The following TRIO variants were observed in gnomAD, a reference collection of about 807,000 sequenced individuals.
TRIO encodes triple functional domain protein.
A neutral mutation model predicts 351.9 loss-of-function variants in TRIO; 58 were observed. The observed-to-expected ratio is 0.16, with a 90% CI of 0.13 to 0.21. TRIO has a LOEUF of 0.21. TRIO is among the 10% of genes least tolerant of loss of function. TRIO has a pLI of 1.00. For synonymous variants in TRIO, 1,758 were observed against 1,595.7 expected (o/e 1.10, Z -2.42); for missense variants, 3,201 against 4,027.8 (o/e 0.79, Z 5.56).
At chr5:14,225,019 G>C (rs164717) in intron 1 of TRIO, among the ~76,000 whole-genome samples, 84 of 152,274 alleles carry the variant, frequency 5.5e-4, no homozygotes, top group African/African-American at 2.0e-3. Context: ...GTCTGATGTA[G>C]AACTCCTGAG....
Position 14,472,618 on chromosome 5 carries a change from CAG to C in TRIO, c.5942_5943del (p.Glu1981AlafsTer2), listed in dbSNP as rs1314548145. On this transcript the variant is annotated frameshift_variant, in exon 39 of 57. Coordinates refer to ENST00000344204, the MANE Select transcript of TRIO (RefSeq NM_007118.4). LOFTEE classifies it high-confidence loss of function. ...TACGTTTTGCAAGAACTAGTGGAGA[CAG>C]AGCGTGACTATGTGCGGGACCTTGG... 1 of 1,614,116 alleles carries C rather than the reference CAG, an allele frequency of 6.2e-7. No individual in the cohort carries two copies. Among genetic ancestry groups the C allele is most frequent in the Non-Finnish European group, 8.5e-7 (1 of 1,179,980 alleles).
chr5:14,369,583 G>A (rs1005454827), intron 18 of TRIO, 60 bp downstream of exon 18: 34 of 1,528,668 alleles, frequency 2.2e-5, no homozygotes, highest in African/African-American at 8.3e-5. Flanking sequence ...CCAGGTGCGC[G>A]TGGCACAGTC....
At chr5:14,459,594 G>T (rs1384085365) in intron 34 of TRIO, among the ~76,000 whole-genome samples, 3 of 152,086 alleles carry the variant, frequency 2.0e-5, no homozygotes, top group Admixed American at 2.0e-4. Context: ...ACAAAAATTA[G>T]CTGGGTATGG....
chr5:14,402,900 G>A (rs538827153), intron 31 of TRIO, among the ~76,000 whole-genome samples: 2 of 151,934 alleles, frequency 1.3e-5, no homozygotes, highest in East Asian at 1.9e-4. Flanking sequence ...AGGTGTTGAT[G>A]GTGAGGGTAC....
chr5:14,500,794 G>C (rs1307992446), intron 53 of TRIO, among the ~76,000 whole-genome samples: 5 of 151,734 alleles, frequency 3.3e-5, no homozygotes, highest in South Asian at 2.1e-4. Context: ...AGGCTGAGGT[G>C]GGGGGATCAC....
At chr5:14,436,305 T>C (rs1751584138) in intron 34 of TRIO, among the ~76,000 whole-genome samples, 1 of 152,180 alleles carries the variant, frequency 6.6e-6, no homozygotes, top group Admixed American at 6.5e-5. Context: ...TCAGGTCTTA[T>C]GAGACTTATT....
At position 14,487,638 on chromosome 5, in the gene TRIO, G is replaced by A. The variant is rs760882236; in HGVS notation, c.7010G>A (p.Arg2337Gln). ...GGCGCCCCCAGCACGAGCAGGAGCCGGCCCTCCCGGATCCCCCAGCCTGTC... is the reference window on the plus strand; with the variant it reads ...GGCGCCCCCAGCACGAGCAGGAGCCAGCCCTCCCGGATCCCCCAGCCTGTC... Reference protein sequence around the residue: ...CGGAPSTSRSRPSRIPQPVRH... With the variant: ...CGGAPSTSRSQPSRIPQPVRH... Residue 2337 changes from arginine to glutamine, a missense_variant, in exon 48 of 57, where the codon CGG becomes CAG. Around this residue, in one of 19 missense-constraint regions of TRIO, gnomAD observed 1,089 missense variants for 954.9 expected, o/e 1.14. Transcript: ENST00000344204. 1 of 1,246,178 alleles carries A rather than the reference G, an allele frequency of 8.0e-7. No individual in the cohort carries two copies. Among genetic ancestry groups the A allele is most frequent in the Non-Finnish European group, 1.0e-6 (1 of 983,570 alleles). The allele number at this position is 1,246,178 out of a possible 1,614,324, so 77.2% of individuals were successfully genotyped here. A position where few individuals can be genotyped will look rare whatever the true frequency, so the allele number is the denominator to read the frequency against.
intron 34 of TRIO, among the ~76,000 whole-genome samples, chr5:14,422,725 C>T (rs1048999891): frequency 1.3e-5 from 2 of 152,188 alleles, no homozygotes; most frequent in Non-Finnish European, 2.9e-5. Flanking sequence ...GATAAAAATA[C>T]AGCTTATTTT....
chr5:14,236,003 A>G (rs937042872), intron 1 of TRIO, among the ~76,000 whole-genome samples: 2 of 151,912 alleles, frequency 1.3e-5, no homozygotes, highest in Non-Finnish European at 2.9e-5. Context: ...CATAAAACTT[A>G]TAATTGTAGA....
chr5:14,504,229 G>T (rs1030249977), intron 54 of TRIO, among the ~76,000 whole-genome samples, 164 bp from the exon 55 acceptor site: 6 of 152,180 alleles, frequency 3.9e-5, no homozygotes, highest in African/African-American at 1.4e-4. Flanking sequence ...GGCAGATTTG[G>T]GGGACAGCCA....
At chr5:14,399,202 G>A (rs1747861927) in intron 30 of TRIO, 132 bp downstream of exon 30, 5 of 873,688 alleles carry the variant, frequency 5.7e-6, no homozygotes, top group Non-Finnish European at 8.9e-6. Flanking sequence ...TCTGAATTGT[G>A]GTAGGGTTTT....
intron 11 of TRIO, among the ~76,000 whole-genome samples, chr5:14,347,040 C>G (rs1378168350): frequency 4.6e-5 from 7 of 151,192 alleles, no homozygotes; most frequent in South Asian, 4.2e-4. Context: ...TCAGGTGGAC[C>G]TGAGGTCCTG....
At chr5:14,283,009 C>G (rs987644566) in intron 3 of TRIO, among the ~76,000 whole-genome samples, 15 of 152,182 alleles carry the variant, frequency 9.9e-5, no homozygotes, top group African/African-American at 3.6e-4. Flanking sequence ...CCCTCTCCCC[C>G]AGGGTCCTGC....
At chr5:14,145,496 C>A (rs1327659966) in intron 1 of TRIO, among the ~76,000 whole-genome samples, 2 of 151,900 alleles carry the variant, frequency 1.3e-5, no homozygotes, top group Admixed American at 1.3e-4. Flanking sequence ...AAAGCTACCC[C>A]CCCCCACCTT....
chr5:14,212,840 A>T (rs151203409), intron 1 of TRIO, among the ~76,000 whole-genome samples: 1 of 152,166 alleles, frequency 6.6e-6, no homozygotes, highest in Non-Finnish European at 1.5e-5. Flanking sequence ...CTCATGACTT[A>T]TATTTGTATA....
At chr5:14,212,919 T>C (rs1398121882) in intron 1 of TRIO, among the ~76,000 whole-genome samples, 1 of 152,248 alleles carries the variant, frequency 6.6e-6, no homozygotes, top group South Asian at 2.1e-4. Context: ...ACTTTCTTCA[T>C]GTTTGCCTGA....
intron 34 of TRIO, among the ~76,000 whole-genome samples, chr5:14,453,901 C>G (rs1413281250): frequency 6.6e-6 from 1 of 151,818 alleles, no homozygotes; most frequent in African/African-American, 2.4e-5. Context: ...GAGGGAAAGG[C>G]AAGAGATGAG....
intron 1 of TRIO, among the ~76,000 whole-genome samples, chr5:14,246,455 G>A (rs1034527006): frequency 2.0e-5 from 3 of 152,216 alleles, no homozygotes; most frequent in Admixed American, 1.3e-4. Flanking sequence ...TTCCCTGTCT[G>A]TCTCTGCTCT....
intron 11 of TRIO, among the ~76,000 whole-genome samples, chr5:14,352,798 C>A (rs998333414): frequency 6.6e-6 from 1 of 152,130 alleles, no homozygotes; most frequent in African/African-American, 2.4e-5. Context: ...CCTCAGTACC[C>A]GCGCTGGTTT....
Sources: gnomAD v4.1 joint callset for allele counts (sites outside exome capture counted in the v4.1 genomes callset) on GRCh38, gnomAD v4.1.1 for gene constraint, gnomAD v4.1.1 regional missense constraint, MANE v1.5 for transcripts, NCBI Gene and HGNC (gene_info 2026-07-23, HGNC 2026-07-21) for gene names.